Variants in MROH2A observed in about 807,000 individuals in gnomAD.
MROH2A encodes maestro heat-like repeat-containing protein family member 2A.
MROH2A carries 174 observed loss-of-function variants against 200.4 expected under a neutral mutation model. The observed-to-expected ratio is 0.87, with a 90% CI of 0.77 to 0.98. The LOEUF (loss-of-function observed/expected upper bound fraction) is 0.98, where lower values mean the gene tolerates loss of function less well. Ranked by LOEUF, MROH2A falls within the 50% of genes least tolerant of loss-of-function variation. The pLI, the probability that MROH2A is intolerant of heterozygous loss-of-function variation, is 0.00. For missense variants in MROH2A, 2,045 were observed against 2,139.6 expected, an observed-to-expected ratio of 0.96 and a Z score of 0.87; for synonymous variants, 829 against 840.4, an observed-to-expected ratio of 0.99 and a Z score of 0.23.
intron 3 of MROH2A, 24 bp downstream of exon 3, chr2:233,779,876 C>T (rs201139647): frequency 1.8e-5 from 27 of 1,539,428 alleles, no homozygotes; most frequent in Admixed American, 2.0e-5. Context: ...ACCCACTGGG[C>T]TCAGCCACCT....
At chr2:233,801,750 G>A (rs1179612186) in intron 14 of MROH2A, among the ~76,000 whole-genome samples, 1 of 152,186 alleles carries the variant, frequency 6.6e-6, no homozygotes, top group African/African-American at 2.4e-5. Flanking sequence ...TGAATGACTA[G>A]GTACAGTCGC....
rs148922890 is a variant in MROH2A, at chr2:233,785,134, A to G, written c.277-4363A>G. On this transcript the variant is annotated intron_variant, in intron 3 of 41. Transcript: ENST00000389758. Reference sequence around the variant, plus strand: ...GCACTCCAGCCTGGATGAAAGAGCGAGACTCCATCTCAAAAAAAAAAAAAT... The same window carrying G: ...GCACTCCAGCCTGGATGAAAGAGCGGGACTCCATCTCAAAAAAAAAAAAAT... 4.6e-3 allele frequency among the ~76,000 whole-genome samples: 688 copies of G among 150,376 alleles called. 7 individuals carry two copies. The highest frequency in any genetic ancestry group is 0.016 in the African/African-American group (661 of 40,660).
intron 33 of MROH2A, 22 bp from the exon 34 acceptor site, chr2:233,822,859 A>G (rs908914265): frequency 2.6e-6 from 4 of 1,549,494 alleles, no homozygotes; most frequent in Middle Eastern, 1.7e-4. Flanking sequence ...GCAGCGCATC[A>G]CAAGCTCCCA....
Position 233,789,989 on chromosome 2 carries a change from A to T in MROH2A, c.546A>T (p.Thr182=). ...TCACTGATGAATTTGTCATCATCAC[A>T]CTGGCCAAGCTGGCCAACGGCAATG... ...LNLTDEFVII[T]LAKLANGNVF... The change falls in exon 5 of 42, where the codon ACA becomes ACT. Residue 182 remains threonine, a synonymous_variant. Transcript: ENST00000389758. 1 of 1,550,050 alleles carries T rather than the reference A, an allele frequency of 6.5e-7. No homozygotes were observed. The highest frequency in any genetic ancestry group is 2.4e-5 in the East Asian group (1 of 40,902).
rs1409828709 is a variant in MROH2A, at chr2:233,822,301, G to A, written c.3672+18G>A. ...CCCTGATGGTGAGTTGCAGGCGCAG[G>A]CCCCAAGGCTCCTCAGGGGTCTCTG... On this transcript the variant is annotated intron_variant, in intron 32 of 41. Transcript: ENST00000389758. 4 of 1,547,738 alleles carry A rather than the reference G, an allele frequency of 2.6e-6. No homozygotes were observed. Among genetic ancestry groups the A allele is most frequent in the Non-Finnish European group, 3.5e-6 (4 of 1,146,618 alleles).
At chr2:233,816,960 A>G in intron 27 of MROH2A, 75 bp downstream of exon 27, 3 of 881,976 alleles carry the variant, frequency 3.4e-6, no homozygotes, top group East Asian at 2.7e-5. Context: ...TATCTGGAAG[A>G]TGAGGGAACA....
rs1398066020 is a variant in MROH2A at position 233,828,610 on chromosome 2, C to T, written c.4114-20C>T. On this transcript the variant is annotated intron_variant, in intron 35 of 41. Transcript: ENST00000389758. The surrounding 1 kb of genome is among the most constrained non-coding windows in gnomAD (Gnocchi z 4.6). ...AATGAGCCCGCCCTGGGGATAACTGCCCAATGTCCTCCCTTCCAGTTCATG... is the reference window on the plus strand; with the variant it reads ...AATGAGCCCGCCCTGGGGATAACTGTCCAATGTCCTCCCTTCCAGTTCATG... 6.5e-7 allele frequency: 1 copy of T among 1,549,156 alleles called. No homozygotes were observed. Among genetic ancestry groups the T allele is most frequent in the Non-Finnish European group, 8.7e-7 (1 of 1,145,834 alleles).
chr2:233,800,019 G>T (rs1242557509), intron 13 of MROH2A, 120 bp downstream of exon 13: 1 of 1,349,850 alleles, frequency 7.4e-7, no homozygotes, highest in Non-Finnish European at 1.0e-6. Context: ...ATTCATGACA[G>T]GAGTTCATAG....
rs1702062856 is a variant in MROH2A, at chr2:233,795,746, G to A, written c.1059+1G>A. ...CATTTTCACAGAACTGCACGTCCAG[G>A]TGAGGCCAGCAAGCTCAGCTGGACA... On this transcript the variant is annotated splice_donor_variant, in intron 9 of 41. Transcript: ENST00000389758. LOFTEE classifies it high-confidence loss of function. The A allele has an allele frequency of 1.3e-6, 2 of 1,551,060 alleles. No individual in the cohort carries two copies. Among genetic ancestry groups the A allele is most frequent in the Non-Finnish European group, 1.7e-6 (2 of 1,147,090 alleles).
At chr2:233,808,702 C>T (rs1239092167) in intron 21 of MROH2A, among the ~76,000 whole-genome samples, 5 of 152,216 alleles carry the variant, frequency 3.3e-5, no homozygotes, top group African/African-American at 1.2e-4. Flanking sequence ...AGGGTGTGAG[C>T]ACCGTGAGGG....
intron 21 of MROH2A, among the ~76,000 whole-genome samples, chr2:233,808,623 G>A (rs1702955023): frequency 6.6e-6 from 1 of 152,154 alleles, no homozygotes; most frequent in South Asian, 2.1e-4. Flanking sequence ...AGGGCACTGG[G>A]GCCCCTGCTC....
intron 14 of MROH2A, among the ~76,000 whole-genome samples, chr2:233,801,021 T>A (rs1463946970): frequency 1.3e-5 from 2 of 152,210 alleles, no homozygotes; most frequent in African/African-American, 4.8e-5. Context: ...AGGTATACTG[T>A]ACTAGGTGTG....
chr2:233,792,615 C>T (rs1701857311), intron 5 of MROH2A, among the ~76,000 whole-genome samples, 181 bp from the exon 6 acceptor site: 1 of 152,148 alleles, frequency 6.6e-6, no homozygotes, highest in South Asian at 2.1e-4. Flanking sequence ...GCCCTTCTAG[C>T]TCACTTTTTA....
intron 30 of MROH2A, 52 bp downstream of exon 30, chr2:233,819,521 G>A (rs1703789621): frequency 2.0e-6 from 3 of 1,519,958 alleles, no homozygotes; most frequent in Non-Finnish European, 2.7e-6. Flanking sequence ...GCTGCCTGGT[G>A]TGCCCAGATG....
At chr2:233,824,211 G>A (rs1576010453) in intron 35 of MROH2A, among the ~76,000 whole-genome samples, 1 of 152,260 alleles carries the variant, frequency 6.6e-6, no homozygotes, top group African/African-American at 2.4e-5. Flanking sequence ...AAGTCAACCA[G>A]TGGGCATGAC....
chr2:233,804,962 A>G, intron 18 of MROH2A, 42 bp from the exon 19 acceptor site: 1 of 1,211,374 alleles, frequency 8.3e-7, no homozygotes, highest in Admixed American at 2.0e-5. Context: ...AACAAGGATG[A>G]AGGCCTTTGG....
rs1459724655 is a variant in MROH2A at position 233,803,503 on chromosome 2, T to C, written c.1749+15T>C. The C allele has an allele frequency of 1.9e-6, 3 of 1,550,256 alleles. No homozygotes were observed. Among genetic ancestry groups the C allele is most frequent in the Non-Finnish European group, 2.6e-6 (3 of 1,146,922 alleles). Reference sequence around the variant, plus strand: ...CCCGTCTCCTGGTGAGTGGCTGACCTGCACCATGCCCTGGCCTGGCAAGGC... The same window carrying C: ...CCCGTCTCCTGGTGAGTGGCTGACCCGCACCATGCCCTGGCCTGGCAAGGC... On this transcript the variant is annotated intron_variant, in intron 16 of 41. Coordinates refer to ENST00000389758, the MANE Select transcript of MROH2A (RefSeq NM_001394639.1).
rs658482 is a variant in MROH2A, at chr2:233,832,341, C to T, written c.4837+62C>T. The T allele has an allele frequency of 2.1e-6, 3 of 1,425,918 alleles. No individual in the cohort carries two copies. The Admixed American group carries it at 5.9e-5, about 28-fold the overall frequency. 88.3% of individuals were successfully genotyped at this position (1,425,918 alleles called of 1,614,324 possible). A position where few individuals can be genotyped will look rare whatever the true frequency, so the allele number is the denominator to read the frequency against. ...TTGAAGGCCCTCTAGTCCACCCCGG[C>T]ACTCGGGGGAAGGGTGGATCATGAG... On this transcript the variant is annotated intron_variant, in intron 40 of 41. Transcript: ENST00000389758.
chr2:233,811,845 A>C, intron 23 of MROH2A, 35 bp from the exon 24 acceptor site: 1 of 1,475,984 alleles, frequency 6.8e-7, no homozygotes, highest in Non-Finnish European at 9.3e-7. Context: ...CATCATGGTC[A>C]CCAAAAGCCA....
Sources: gnomAD v4.1 joint callset for allele counts (sites outside exome capture counted in the v4.1 genomes callset) on GRCh38, gnomAD v4.1.1 for gene constraint, Gnocchi (gnomAD v3.1) non-coding constraint, MANE v1.5 for transcripts, NCBI Gene and HGNC (gene_info 2026-07-23, HGNC 2026-07-21) for gene names.